The following MMS19 variants were observed in gnomAD, a reference collection of about 807,000 sequenced individuals.
MMS19 encodes the protein MMS19 nucleotide excision repair protein homolog.
MMS19 carries 77 observed loss-of-function variants against 129.8 expected under a neutral mutation model. The observed-to-expected ratio is 0.59, with a 90% CI of 0.49 to 0.72. The LOEUF (loss-of-function observed/expected upper bound fraction) is 0.72. MMS19 is among the 30% of genes least tolerant of loss of function. The probability of loss-of-function intolerance (pLI) is 0.00; values close to 1 mark genes in which losing one functional copy is unlikely to be tolerated. For missense variants in MMS19, 1,168 were observed against 1,266.3 expected (o/e 0.92, Z 1.18); for synonymous variants, 491 against 502.8 (o/e 0.98, Z 0.31).
intron 29 of MMS19, 52 bp downstream of exon 29, chr10:97,459,169 TTA>T: frequency 6.4e-7 from 1 of 1,557,122 alleles, no homozygotes; most frequent in Non-Finnish European, 8.7e-7. Context: ...AAAAAGGTAC[TTA>T]TGTGTCTCTT....
intron 23 of MMS19, 177 bp downstream of exon 23, chr10:97,461,319 C>G: frequency 1.4e-6 from 1 of 715,294 alleles, no homozygotes; most frequent in South Asian, 1.9e-5. Context: ...CTATAAAGCT[C>G]TGCCCAACTG....
chr10:97,468,121 G>A, intron 13 of MMS19, 131 bp downstream of exon 13: 1 of 736,566 alleles, frequency 1.4e-6, no homozygotes, highest in Non-Finnish European at 2.1e-6. Context: ...AAGGGAAGCA[G>A]CAGCAGCAGC....
intron 23 of MMS19, 27 bp downstream of exon 23, chr10:97,461,469 G>C (rs768941813): frequency 6.2e-7 from 1 of 1,604,042 alleles, no homozygotes; most frequent in Non-Finnish European, 8.5e-7. Context: ...ATTCTGGGAG[G>C]CTCCTTACAT....
At chr10:97,482,210 A>G (rs2036928376) in intron 2 of MMS19, among the ~76,000 whole-genome samples, 1 of 152,152 alleles carries the variant, frequency 6.6e-6, no homozygotes, top group Non-Finnish European at 1.5e-5. Flanking sequence ...ATGCATTTGG[A>G]GCATTTAAAA....
At chr10:97,463,366 C>T (rs1346236405) in intron 19 of MMS19, among the ~76,000 whole-genome samples, 2 of 152,060 alleles carry the variant, frequency 1.3e-5, no homozygotes, top group Admixed American at 6.5e-5. Flanking sequence ...CCTGTGTTGC[C>T]CAGGCTGGTC....
chr10:97,478,175 A>C (rs970584364), intron 4 of MMS19, 129 bp downstream of exon 4: 4 of 737,830 alleles, frequency 5.4e-6, no homozygotes, highest in African/African-American at 1.8e-5. Flanking sequence ...AGAGCTGGTA[A>C]CACTAATTTA....
At chr10:97,481,892 T>C (rs1446011702) in intron 2 of MMS19, among the ~76,000 whole-genome samples, 1 of 152,180 alleles carries the variant, frequency 6.6e-6, no homozygotes, top group Non-Finnish European at 1.5e-5. Flanking sequence ...AAACTGTGCA[T>C]TCAGGTTGGG....
intron 1 of MMS19, among the ~76,000 whole-genome samples, chr10:97,486,909 C>T (rs1286866548): frequency 1.2e-5 from 1 of 86,852 alleles, no homozygotes; most frequent in African/African-American, 3.8e-5. Flanking sequence ...TTAAGACAGG[C>T]AAGTTGTGAA....
intron 1 of MMS19, among the ~76,000 whole-genome samples, chr10:97,495,981 A>G (rs1383546641): frequency 6.6e-6 from 1 of 152,046 alleles, no homozygotes; most frequent in Non-Finnish European, 1.5e-5. Context: ...GGGTTTCACC[A>G]TGTTGGCCAG....
chr10:97,460,595 C>G, intron 25 of MMS19, 100 bp downstream of exon 25: 2 of 1,049,832 alleles, frequency 1.9e-6, no homozygotes, highest in Non-Finnish European at 1.4e-6. Context: ...GAAAAGAAAA[C>G]AAAAAACACA....
chr10:97,462,617 C>T lies in MMS19; in HGVS notation c.1978G>A (p.Val660Ile). The stretch of plus-strand genomic sequence containing the variant: ...AGGTGGGTTGTAGCAGTGCCAATGA[C>T]AGACACCATGGCAGCCAACACCTCA... Reference protein sequence around the residue: ...EDEVLAAMVSVIGTATTHLSP... With the variant: ...EDEVLAAMVSIIGTATTHLSP... Residue 660 changes from valine (V) to isoleucine (I), a missense_variant, in exon 20 of 31, where the codon GTC becomes ATC. Transcript: ENST00000438925. 6.2e-7 allele frequency: 1 copy of T among 1,613,928 alleles called. No homozygotes were observed. The highest frequency in any genetic ancestry group is 8.5e-7 in the Non-Finnish European group (1 of 1,179,850).
Position 97,470,842 on chromosome 10 carries a change from C to T in MMS19, c.704G>A (p.Gly235Asp), listed in dbSNP as rs143805215. 9.3e-6 allele frequency: 15 copies of T among 1,613,606 alleles called. No individual in the cohort carries two copies. In the African/African-American group the frequency reaches 1.2e-4, roughly 13 times the overall value. ...CAGGATGAGGTCTTCTCTCTGGATA[C>T]CATGGGGATCATTAGGTGGCTGGAA... ...DFTPPPNDPHGIQREDLILSL... is the reference protein window; with the variant it reads ...DFTPPPNDPHDIQREDLILSL... Residue 235 changes from glycine (G) to aspartate (D), a missense_variant, in exon 9 of 31, where the codon GGT becomes GAT. Gly to Asp is a moderately conservative substitution (Grantham distance 94). Transcript: ENST00000438925.
intron 1 of MMS19, among the ~76,000 whole-genome samples, chr10:97,495,355 G>A (rs1033066386): frequency 1.5e-4 from 23 of 152,314 alleles, no homozygotes; most frequent in Middle Eastern, 3.4e-3. Flanking sequence ...ACTTTCACCA[G>A]GAACCCAGGT....
At chr10:97,480,790 T>C (rs1471703774) in intron 3 of MMS19, 152 bp downstream of exon 3, 1 of 667,396 alleles carries the variant, frequency 1.5e-6, no homozygotes, top group Non-Finnish European at 2.7e-6. Flanking sequence ...TAATCATCTC[T>C]GCCACATATA....
chr10:97,460,572 C>CAAAAAGA, intron 25 of MMS19, 123 bp downstream of exon 25: 1 of 889,706 alleles, frequency 1.1e-6, no homozygotes, highest in Non-Finnish European at 1.8e-6. Flanking sequence ...ACCCTGTCTC[C>CAAAAAGA]AAAAAGAAAA....
In MMS19 at chr10:97,470,178, T is replaced by C; in HGVS notation, c.797A>G (p.Lys266Arg). ...GGCACTCAGAACCTCAGAATCCACT[T>C]TCTCAATCAACAGGGGCAGCAGAAA... Reference protein sequence around the residue: ...AEFLLPLLIEKVDSEVLSAKL... With the variant: ...AEFLLPLLIERVDSEVLSAKL... The change falls in exon 10 of 31, where the codon AAA becomes AGA. Residue 266 changes from lysine (K) to arginine (R), a missense_variant. Lys to Arg is a conservative substitution (Grantham distance 26). Around this residue, in one of 3 missense-constraint regions of MMS19, gnomAD observed 8 missense variants for 26.9 expected, o/e 0.30. Transcript: ENST00000438925. 2 of 1,609,052 alleles carry C rather than the reference T, an allele frequency of 1.2e-6. No homozygotes were observed. The highest frequency in any genetic ancestry group is 1.1e-5 in the South Asian group (1 of 89,592).
rs971991804 is a variant in MMS19 at position 97,476,626 on chromosome 10, T to C, written c.684+57A>G. On this transcript the variant is annotated intron_variant, in intron 8 of 30. Transcript: ENST00000438925. ...GTACCCTCAGTGCCCAGAACAGGGC[T>C]TGGCACATAGCAGACACTCAATAAA... 1.2e-5 allele frequency: 18 copies of C among 1,557,718 alleles called. No individual in the cohort carries two copies. The African/African-American group carries it at 2.2e-4, about 19-fold the overall frequency.
In MMS19 at chr10:97,477,911, G is replaced by C. The variant is rs145765259; in HGVS notation, c.367C>G (p.Pro123Ala). The C allele has an allele frequency of 6.7e-5, 107 of 1,606,764 alleles. 1 individual carries two copies. In the African/African-American group the frequency reaches 1.1e-3, roughly 16 times the overall value. The change falls in exon 5 of 31, where the codon CCC becomes GCC. Residue 123 changes from proline (P) to alanine (A), a missense_variant. This residue lies in a region of MMS19 where 329 missense variants were observed against 328.6 expected (regional missense o/e 1.00). Transcript: ENST00000438925. ...AGCACAGAAACAGCCAGCCCTGGGG[G>C]CAGGGCCACACACAGGCTCTGGGGG... ...LKALSLCVAL[P>A]PGLAVSVLKA...
intron 29 of MMS19, 130 bp from the exon 30 acceptor site, chr10:97,459,030 G>T: frequency 9.9e-7 from 1 of 1,011,446 alleles, no homozygotes; most frequent in Non-Finnish European, 1.5e-6. Flanking sequence ...ATGTTAAGTG[G>T]CAGGATGGCC....
Sources: gnomAD v4.1 joint callset for allele counts (sites outside exome capture counted in the v4.1 genomes callset) on GRCh38, gnomAD v4.1.1 for gene constraint, gnomAD v4.1.1 regional missense constraint, MANE v1.5 for transcripts, NCBI Gene and HGNC (gene_info 2026-07-23, HGNC 2026-07-21) for gene names.